SVEP1: variants seen among roughly 807,000 people sequenced by gnomAD.
SVEP1 encodes sushi, von Willebrand factor type A, EGF and pentraxin domain containing 1, also known as sushi, von Willebrand factor type A, EGF and pentraxin domain-containing protein 1.
SVEP1 carries 164 observed loss-of-function variants against 367.3 expected under a neutral mutation model. The observed-to-expected ratio is 0.45, with a 90% CI of 0.39 to 0.51. SVEP1 has a LOEUF of 0.51. SVEP1 is among the 20% of genes least tolerant of loss of function. The pLI, the probability that SVEP1 is intolerant of heterozygous loss-of-function variation, is 0.00. For synonymous variants in SVEP1, 1,666 were observed against 1,611.6 expected (o/e 1.03, Z -0.81); for missense variants, 4,117 against 4,425.3 (o/e 0.93, Z 1.98).
At position 110,375,464 on chromosome 9, in the gene SVEP1, C is replaced by CAAAAAAAA; in HGVS notation, c.10505-2_10505-1insTTTTTTTT. On this transcript the variant is annotated splice_acceptor_variant, in intron 45 of 47. Transcript: ENST00000374469. LOFTEE classifies it high-confidence loss of function. ...TTCAGACAGGGAAGAATGCAGATTG[C>CAAAAAAAA]TAAAAAAAAAAAAAAAAAAAAAAAA... The CAAAAAAAA allele has an allele frequency of 7.5e-6, 3 of 399,070 alleles. No individual in the cohort carries two copies. The highest frequency in any genetic ancestry group is 6.8e-6 in the Non-Finnish European group (2 of 294,590). 24.7% of individuals were successfully genotyped at this position (399,070 alleles called of 1,614,324 possible).
chr9:110,380,266 A>G (rs1166293653), intron 43 of SVEP1, among the ~76,000 whole-genome samples: 1 of 152,154 alleles, frequency 6.6e-6, no homozygotes, highest in East Asian at 1.9e-4. Flanking sequence ...GTGGTGGGCA[A>G]GGGTTAGATT....
At chr9:110,491,219 TC>T (rs1462393179) in intron 8 of SVEP1, among the ~76,000 whole-genome samples, 1 of 151,900 alleles carries the variant, frequency 6.6e-6, no homozygotes, top group African/African-American at 2.4e-5. Context: ...TTCTTATTAT[TC>T]TTTTCAATAC....
chr9:110,430,415 T>A lies in SVEP1; in HGVS notation c.5389A>T (p.Asn1797Tyr). The A allele has an allele frequency of 6.2e-7, 1 of 1,612,882 alleles. No individual in the cohort carries two copies. Among genetic ancestry groups the A allele is most frequent in the African/African-American group, 1.3e-5 (1 of 75,012 alleles). The change falls in exon 33 of 48, where the codon AAT (asparagine) becomes TAT (tyrosine). Residue 1797 changes from asparagine (N) to tyrosine (Y), a missense_variant. Physicochemically the swap from Asn to Tyr is moderately radical, Grantham distance 143 (BLOSUM62 -2). Transcript: ENST00000374469. ...TAAATCTCACCTGAGGAGTGGCCAT[T>A]TTCCGGATTTCCTGGAGCCTTACAT... ...IKCKAPGNPE[N>Y]GHSSGEIYTV...
At chr9:110,511,812 G>A (rs1829721213) in intron 5 of SVEP1, among the ~76,000 whole-genome samples, 1 of 152,008 alleles carries the variant, frequency 6.6e-6, no homozygotes, top group Non-Finnish European at 1.5e-5. Flanking sequence ...ATGAGTAGGT[G>A]GTTCTCCCTT....
Position 110,408,608 on chromosome 9 carries a change from T to G in SVEP1, c.6992A>C (p.Asn2331Thr). The G allele has an allele frequency of 6.2e-7, 1 of 1,613,872 alleles. No homozygotes were observed. The highest frequency in any genetic ancestry group is 1.1e-5 in the South Asian group (1 of 91,068). The stretch of plus-strand genomic sequence containing the variant: ...GGTCAACTCCTTTAATACTAGCTGG[T>G]TTTCCAAGAGGGGCGGCTCTGGGCA... The part of the protein sequence containing the change: ...AKCPEPPLLE[N>T]QLVLKELTTE... The change falls in exon 38 of 48, where the codon AAC becomes ACC. Residue 2331 changes from asparagine to threonine, a missense_variant. Asn to Thr is a moderately conservative substitution (Grantham distance 65). Around this residue, in one of 4 missense-constraint regions of SVEP1, gnomAD observed 1,765 missense variants for 1,781.1 expected, o/e 0.99. Transcript: ENST00000374469.
chr9:110,407,815 G>A lies in SVEP1; in HGVS notation c.7785C>T (p.Thr2595=). 4 of 1,613,990 alleles carry A rather than the reference G, an allele frequency of 2.5e-6. No homozygotes were observed. In the South Asian group the frequency reaches 4.4e-5, roughly 18 times the overall value. ...AACTTGACCATCCTGACTCTTCACA[G>A]GTCTGCATGGCATGACCAGCCACCT... is the stretch of plus-strand genomic sequence containing the variant. ...GFQVAGHAMQ[T]CEESGWSSSI... is the part of the protein sequence containing the mutation. The change falls in exon 38 of 48, where the codon ACC becomes ACT. Residue 2595 remains threonine, a synonymous_variant. Transcript: ENST00000374469.
At chr9:110,375,490 A>AAAAAAATG in intron 45 of SVEP1, 27 bp from the exon 46 acceptor site, 1 of 1,338,838 alleles carries the variant, frequency 7.5e-7, no homozygotes, top group Non-Finnish European at 1.0e-6. Flanking sequence ...AAAAAAAAAA[A>AAAAAAATG]GGAGGCAGGG....
At chr9:110,497,059 G>T in intron 7 of SVEP1, 126 bp from the exon 8 acceptor site, 1 of 591,580 alleles carries the variant, frequency 1.7e-6, no homozygotes, top group South Asian at 3.0e-5. Context: ...GTTACTGATT[G>T]TTCGGAATCT....
chr9:110,480,548 AAG>A (rs1829169072), intron 12 of SVEP1, among the ~76,000 whole-genome samples: 1 of 152,194 alleles, frequency 6.6e-6, no homozygotes, highest in African/African-American at 2.4e-5. Flanking sequence ...ATCAAATATG[AAG>A]AGACTATGAT....
intron 6 of SVEP1, among the ~76,000 whole-genome samples, chr9:110,501,747 T>C (rs1366153767): frequency 6.6e-6 from 1 of 152,168 alleles, no homozygotes; most frequent in Non-Finnish European, 1.5e-5. Context: ...TTACTGAAAA[T>C]GTGTTTTAAA....
At chr9:110,418,961 G>A (rs1421597506) in intron 36 of SVEP1, among the ~76,000 whole-genome samples, 2 of 63,656 alleles carry the variant, frequency 3.1e-5, no homozygotes, top group South Asian at 1.2e-3. Context: ...AGCTCCTGAA[G>A]GAAGCGCTAA....
At chr9:110,510,043 C>T (rs1829683614) in intron 5 of SVEP1, among the ~76,000 whole-genome samples, 1 of 152,198 alleles carries the variant, frequency 6.6e-6, no homozygotes, top group Non-Finnish European at 1.5e-5. Context: ...TCATTGTCAT[C>T]AGAGTCAGTG....
intron 4 of SVEP1, 121 bp from the exon 5 acceptor site, chr9:110,513,226 A>G: frequency 3.3e-6 from 3 of 921,738 alleles, no homozygotes; most frequent in South Asian, 2.0e-5. Flanking sequence ...CAGCATTTCC[A>G]TTTACCGCAT....
At chr9:110,446,290 G>A (rs1828597469) in intron 25 of SVEP1, among the ~76,000 whole-genome samples, 1 of 152,220 alleles carries the variant, frequency 6.6e-6, no homozygotes, top group African/African-American at 2.4e-5. Context: ...TAGTTGGAAG[G>A]AGAGGTGAAA....
chr9:110,579,415 G>T lies in SVEP1; in HGVS notation c.129C>A (p.Pro43=). ...GAGCGGGCGGCGCGGGGATACTCCC[G>T]GGGGCCCCGGGCGCGGTCTCGGGGA... is the stretch of plus-strand genomic sequence containing the variant. The part of the protein sequence containing the change: ...RLFPETAPGA[P]GSIPAPPAPG... Residue 43 remains proline, a synonymous_variant, in exon 1 of 48, where the codon CCC becomes CCA. Transcript: ENST00000374469. This position sits in a 1 kb window ranked among gnomAD's most constrained non-coding sequence, Gnocchi z 5.3. 6.3e-7 allele frequency: 1 copy of T among 1,580,504 alleles called. No individual in the cohort carries two copies. The highest frequency in any genetic ancestry group is 8.6e-7 in the Non-Finnish European group (1 of 1,164,366).
chr9:110,539,335 T>C (rs1331821199), intron 3 of SVEP1, among the ~76,000 whole-genome samples: 5 of 152,136 alleles, frequency 3.3e-5, no homozygotes, highest in Admixed American at 3.3e-4. Context: ...AGTTCGAGCT[T>C]TCAGCTCAAA....
At position 110,390,291 on chromosome 9, in the gene SVEP1, T is replaced by TTATATATACTTA. The variant is rs1827627935; in HGVS notation, c.9823-716_9823-705dup. Among the ~76,000 whole-genome samples, 7 of 26,500 alleles carry TTATATATACTTA rather than the reference T, an allele frequency of 2.6e-4. 1 individual carries two copies. The highest frequency in any genetic ancestry group is 2.1e-3 in the African/African-American group (7 of 3,256). 17.4% of individuals were successfully genotyped at this position (26,500 alleles called of 152,430 possible). On this transcript the variant is annotated intron_variant, in intron 40 of 47. Coordinates refer to ENST00000374469, the MANE Select transcript of SVEP1 (RefSeq NM_153366.4). ...TATATATACTTATATATATACATAC[T>TTATATATACTTA]TATATATACTTATATAAGTATGTGT...
intron 27 of SVEP1, among the ~76,000 whole-genome samples, chr9:110,437,791 C>T (rs772903915): frequency 6.6e-6 from 1 of 152,158 alleles, no homozygotes; most frequent in African/African-American, 2.4e-5. Context: ...TCACCCACTT[C>T]TCACCCTTCC....
At chr9:110,514,615 A>T (rs1257855785) in intron 3 of SVEP1, among the ~76,000 whole-genome samples, 1 of 152,172 alleles carries the variant, frequency 6.6e-6, no homozygotes, top group African/African-American at 2.4e-5. Flanking sequence ...GTAATTTGTT[A>T]TTTGCAAGGT....
Sources: allele counts gnomAD v4.1 joint callset (sites outside exome capture counted in the v4.1 genomes callset), GRCh38; gene constraint gnomAD v4.1.1; regional missense constraint gnomAD v4.1.1; non-coding constraint Gnocchi (gnomAD v3.1); transcripts MANE v1.5; gene names NCBI Gene and HGNC (gene_info 2026-07-23, HGNC 2026-07-21).